Variants in ABCA4 observed in about 807,000 individuals in gnomAD.
The protein encoded by ABCA4 is retinal-specific phospholipid-transporting ATPase ABCA4.
Under a neutral mutation model 263.7 loss-of-function variants are expected in ABCA4, and 196 were observed. That is an observed-to-expected ratio of 0.74 (90% confidence interval 0.66 to 0.84). The LOEUF is 0.84. Among genes scored for constraint, ABCA4 ranks in the 40% least tolerant of loss-of-function variants. The pLI is 0.00. For synonymous variants in ABCA4, 1,133 were observed against 1,094.2 expected, an observed-to-expected ratio of 1.04 and a Z score of -0.70; for missense variants, 2,792 against 2,855.1, an observed-to-expected ratio of 0.98 and a Z score of 0.50.
intron 36 of ABCA4, among the ~76,000 whole-genome samples, chr1:94,019,030 T>C (rs900387869): frequency 6.8e-6 from 1 of 146,254 alleles, no homozygotes. Context: ...TTTTTTTTTT[T>C]TTTTTTTTTT....
intron 26 of ABCA4, among the ~76,000 whole-genome samples, chr1:94,035,807 C>T (rs1454879607): frequency 6.6e-6 from 1 of 152,188 alleles, no homozygotes; most frequent in Non-Finnish European, 1.5e-5. Flanking sequence ...ACATCTATCT[C>T]CCCACCCTCC....
chr1:94,014,156 G>A (rs964267460), intron 38 of ABCA4, among the ~76,000 whole-genome samples: 7 of 151,554 alleles, frequency 4.6e-5, no homozygotes, highest in African/African-American at 1.7e-4. Context: ...TCAGAGCACA[G>A]AAATGAAAAA....
chr1:94,049,827 AACAC>A (rs146353973), intron 17 of ABCA4, among the ~76,000 whole-genome samples: 58 of 149,516 alleles, frequency 3.9e-4, no homozygotes, highest in Admixed American at 1.5e-3. Context: ...ACACGCATTG[AACAC>A]ACACACACAC....
chr1:94,042,114 A>AG lies in ABCA4; in HGVS notation c.3328+646_3328+647insC, dbSNP rs1272455331. ...ATTCTGTCTCAAAAAAAAAAAAAAA[A>AG]AAAAAAGAAAAGAAAGAAAGAAAAT... On this transcript the variant is annotated intron_variant, in intron 22 of 49. Coordinates refer to ENST00000370225, the MANE Select transcript of ABCA4 (RefSeq NM_000350.3). Among the ~76,000 whole-genome samples the AG allele has an allele frequency of 4.0e-5, 6 of 151,784 alleles. No individual in the cohort carries two copies. In the South Asian group the frequency reaches 1.2e-3, roughly 32 times the overall value.
At chr1:94,065,506 T>A (rs901886560) in intron 11 of ABCA4, among the ~76,000 whole-genome samples, 1 of 152,218 alleles carries the variant, frequency 6.6e-6, no homozygotes, top group African/African-American at 2.4e-5. Flanking sequence ...GAGTCCCACC[T>A]GCGCCTCAGA....
chr1:94,084,605 G>A (rs1661784579), intron 6 of ABCA4, among the ~76,000 whole-genome samples: 1 of 152,132 alleles, frequency 6.6e-6, no homozygotes, highest in Non-Finnish European at 1.5e-5. Flanking sequence ...CATATTTCAG[G>A]CTTATTTTCT....
intron 18 of ABCA4, among the ~76,000 whole-genome samples, chr1:94,048,339 T>C (rs1422106722): frequency 6.6e-6 from 1 of 152,214 alleles, no homozygotes; most frequent in East Asian, 1.9e-4. Context: ...AAAACAAAAC[T>C]TGTAAATCTG....
chr1:94,029,735 C>T, intron 29 of ABCA4, 104 bp from the exon 30 acceptor site: 1 of 1,117,866 alleles, frequency 8.9e-7, no homozygotes, highest in Non-Finnish European at 1.3e-6. Flanking sequence ...TCTTTAGACC[C>T]AGGCCCTTTC....
chr1:94,083,936 A>T (rs1661768961), intron 6 of ABCA4, among the ~76,000 whole-genome samples: 1 of 152,152 alleles, frequency 6.6e-6, no homozygotes, highest in Admixed American at 6.5e-5. Flanking sequence ...TCTCTCATGG[A>T]GGATTTGACC....
intron 37 of ABCA4, among the ~76,000 whole-genome samples, chr1:94,015,221 CTCAT>C (rs1246543085): frequency 6.6e-6 from 1 of 152,214 alleles, no homozygotes; most frequent in Non-Finnish European, 1.5e-5. Flanking sequence ...GGATGAATTA[CTCAT>C]TCAAATTTAC....
At chr1:94,043,684 A>C (rs1483633053) in intron 20 of ABCA4, among the ~76,000 whole-genome samples, 1 of 152,234 alleles carries the variant, frequency 6.6e-6, no homozygotes, top group Non-Finnish European at 1.5e-5. Context: ...ACAATGGAAT[A>C]ATCTGTAAAC....
At chr1:94,042,115 A>AG (rs1347136358) in intron 22 of ABCA4, among the ~76,000 whole-genome samples, 34 of 151,526 alleles carry the variant, frequency 2.2e-4, no homozygotes, top group African/African-American at 7.7e-4. Flanking sequence ...AAAAAAAAAA[A>AG]AAAAAGAAAA....
At chr1:94,095,194 C>T (rs1263450827) in intron 6 of ABCA4, among the ~76,000 whole-genome samples, 1 of 152,108 alleles carries the variant, frequency 6.6e-6, no homozygotes, top group Admixed American at 6.6e-5. Flanking sequence ...ATGGGTACTG[C>T]CTTTGGATTG....
chr1:94,041,123 T>C, intron 23 of ABCA4, 86 bp downstream of exon 23: 1 of 1,388,986 alleles, frequency 7.2e-7, no homozygotes, highest in Non-Finnish European at 1.0e-6. Flanking sequence ...CGAGAGCCTG[T>C]GTGAGTAGCC....
At chr1:94,057,397 G>C (rs1369481291) in intron 14 of ABCA4, among the ~76,000 whole-genome samples, 1 of 152,204 alleles carries the variant, frequency 6.6e-6, no homozygotes, top group African/African-American at 2.4e-5. Flanking sequence ...GACAAGGGAG[G>C]AAGACCTGGG....
At chr1:94,055,051 G>A in intron 16 of ABCA4, 60 bp downstream of exon 16, 1 of 1,457,324 alleles carries the variant, frequency 6.9e-7, no homozygotes, top group Non-Finnish European at 9.6e-7. Flanking sequence ...CTAGATGAAT[G>A]GAGAGGGCTG....
At chr1:94,064,924 G>A (rs1160907909) in intron 11 of ABCA4, among the ~76,000 whole-genome samples, 1 of 152,094 alleles carries the variant, frequency 6.6e-6, no homozygotes, top group Non-Finnish European at 1.5e-5. Flanking sequence ...TATGATCACT[G>A]GTAGTGGAGA....
intron 37 of ABCA4, among the ~76,000 whole-genome samples, chr1:94,014,936 T>C (rs1659683005): frequency 6.6e-6 from 1 of 152,188 alleles, no homozygotes; most frequent in Admixed American, 6.5e-5. Flanking sequence ...GCTGTGTATA[T>C]ACTCTGTAAA....
At chr1:94,054,661 A>T (rs1052012166) in intron 16 of ABCA4, among the ~76,000 whole-genome samples, 28 of 152,128 alleles carry the variant, frequency 1.8e-4, no homozygotes, top group African/African-American at 6.8e-4. Flanking sequence ...AACATGGAGG[A>T]GTAGGGAAAA....
Sources: allele counts gnomAD v4.1 joint callset (sites outside exome capture counted in the v4.1 genomes callset), GRCh38; gene constraint gnomAD v4.1.1; transcripts MANE v1.5; gene names NCBI Gene and HGNC (gene_info 2026-07-23, HGNC 2026-07-21).